The following CHD3 variants were observed in gnomAD, a reference collection of about 807,000 sequenced individuals.
CHD3 encodes chromodomain helicase DNA binding protein 3, also known as ATP-dependent chromatin remodeler CHD3.
A neutral mutation model predicts 248.9 loss-of-function variants in CHD3; 52 were observed. The observed-to-expected ratio is 0.21, with a 90% CI of 0.17 to 0.26. CHD3 has a LOEUF of 0.26. Among genes scored for constraint, CHD3 ranks in the 10% least tolerant of loss-of-function variants. CHD3 has a pLI of 1.00. For synonymous variants in CHD3, 985 were observed against 985.2 expected (o/e 1.00, Z 0.00); for missense variants, 1,482 against 2,605.8 (o/e 0.57, Z 9.39).
In CHD3 at chr17:7,901,330, G is replaced by A; in HGVS notation, c.3207G>A (p.Leu1069=). 2 of 1,613,904 alleles carry A rather than the reference G, an allele frequency of 1.2e-6. No individual in the cohort carries two copies. The highest frequency in any genetic ancestry group is 1.7e-6 in the Non-Finnish European group (2 of 1,179,876). Residue 1069 remains leucine, a synonymous_variant, in exon 20 of 40, where the codon CTG becomes CTA. Transcript: ENST00000330494. ...AGCTCATGCTGCTCCAGAAGATGCT[G>A]CGAAAGCTGAAGGAGCAAGGACACC... ...SGKLMLLQKM[L]RKLKEQGHRV...
rs1053907420 is a variant in CHD3, at chr17:7,910,285, C to T, written c.5591-143C>T. 4 of 1,009,064 alleles carry T rather than the reference C, an allele frequency of 4.0e-6. No homozygotes were observed. The highest frequency in any genetic ancestry group is 6.2e-6 in the Non-Finnish European group (4 of 649,246). 62.5% of individuals were successfully genotyped at this position (1,009,064 alleles called of 1,614,324 possible). ...CATCTACTTCTTTTACTTTCTTGAT[C>T]TCTGGTTCTTTGACATCTGTGTTCT... On this transcript the variant is annotated intron_variant, in intron 37 of 39. Coordinates refer to ENST00000330494, the MANE Select transcript of CHD3 (RefSeq NM_001005273.3). The surrounding 1 kb of genome is among the most constrained non-coding windows in gnomAD (Gnocchi z 4.7).
rs1723326055 is a variant in CHD3, at chr17:7,907,157, C to T, written c.4698C>T (p.Gly1566=). 6.2e-7 allele frequency: 1 copy of T among 1,614,184 alleles called. No homozygotes were observed. Among genetic ancestry groups the T allele is most frequent in the Non-Finnish European group, 8.5e-7 (1 of 1,180,026 alleles). ...ATPAPSEKGE[G]IRTPLEKEEA... is the part of the protein sequence containing the mutation. ...CAGCTCCAAGTGAGAAAGGAGAAGG[C>T]ATAAGGACACCTCTTGAGAAGGAGG... The change falls in exon 31 of 40, where the codon GGC becomes GGT. Residue 1566 remains glycine (G), a synonymous_variant. Transcript: ENST00000330494. The surrounding 1 kb of genome is among the most constrained non-coding windows in gnomAD (Gnocchi z 4.3).
chr17:7,908,454 A>G lies in CHD3; in HGVS notation c.5205A>G (p.Lys1735=). Residue 1735 remains lysine, a synonymous_variant, in exon 35 of 40, where the codon AAA becomes AAG. Coordinates refer to ENST00000330494, the MANE Select transcript of CHD3 (RefSeq NM_001005273.3). This position sits in a 1 kb window ranked among gnomAD's most constrained non-coding sequence, Gnocchi z 5.8. The stretch of plus-strand genomic sequence containing the variant: ...AACGGGCAGCTATTTCCTCGGGGAA[A>G]CTCAATGAGATCTGGCACAGAAGAC... ...NEERAAISSG[K]LNEIWHRRHD... The G allele has an allele frequency of 1.2e-6, 2 of 1,613,694 alleles. No homozygotes were observed. Among genetic ancestry groups the G allele is most frequent in the Middle Eastern group, 1.7e-4 (1 of 6,058 alleles).
At position 7,911,385 on chromosome 17, in the gene CHD3, G is replaced by A. The variant is rs1971638073; in HGVS notation, c.5882-79G>A. 1.2e-6 allele frequency: 2 copies of A among 1,608,060 alleles called. No individual in the cohort carries two copies. The highest frequency in any genetic ancestry group is 1.7e-6 in the Non-Finnish European group (2 of 1,176,384). ...GGAAGTGGCAGGAGGTGACCTAGAAGTGAGAATTCACCATTGTCATGAAGT... is the reference window on the plus strand; with the variant it reads ...GGAAGTGGCAGGAGGTGACCTAGAAATGAGAATTCACCATTGTCATGAAGT... On this transcript the variant is annotated intron_variant, in intron 39 of 39. Coordinates refer to ENST00000330494, the MANE Select transcript of CHD3 (RefSeq NM_001005273.3). The surrounding 1 kb of genome is among the most constrained non-coding windows in gnomAD (Gnocchi z 5.4).
At chr17:7,885,605 G>A (rs1319835743), upstream of CHD3, among the ~76,000 whole-genome samples, 1 of 151,796 alleles carries the variant, frequency 6.6e-6, no homozygotes, top group Non-Finnish European at 1.5e-5. Flanking sequence ...CTCTGGCCCC[G>A]GTGGGGTTGG....
At chr17:7,901,772 A>G (rs1042872358) in intron 20 of CHD3, among the ~76,000 whole-genome samples, 1 of 151,876 alleles carries the variant, frequency 6.6e-6, no homozygotes, top group African/African-American at 2.4e-5. Flanking sequence ...CGGTCTCCCA[A>G]AGTGCTGGGA....
Position 7,901,164 on chromosome 17 carries a change from T to G in CHD3, c.3121-80T>G, listed in dbSNP as rs964080451. The G allele has an allele frequency of 1.0e-5, 16 of 1,530,858 alleles. No homozygotes were observed. In the East Asian group the frequency reaches 3.6e-4, roughly 35 times the overall value. The allele number at this position is 1,530,858 out of a possible 1,614,324, so 94.8% of individuals were successfully genotyped here. On this transcript the variant is annotated intron_variant, in intron 19 of 39. Coordinates refer to ENST00000330494, the MANE Select transcript of CHD3 (RefSeq NM_001005273.3). ...AACATGTGGAAGCTGGATCCGGGCATCTGGCCTTCTAGGTGTGGCAAGAAT... is the reference window on the plus strand; with the variant it reads ...AACATGTGGAAGCTGGATCCGGGCAGCTGGCCTTCTAGGTGTGGCAAGAAT...
chr17:7,899,929 A>G lies in CHD3; in HGVS notation c.2578A>G (p.Thr860Ala). 1.2e-6 allele frequency: 2 copies of G among 1,613,726 alleles called. No homozygotes were observed. Among genetic ancestry groups the G allele is most frequent in the Non-Finnish European group, 8.5e-7 (1 of 1,179,906 alleles). ...ACAGGTGAAGTTCCATGTTCTCCTGACATCGTATGAGCTGATCACCATTGA... is the reference window on the plus strand; with the variant it reads ...ACAGGTGAAGTTCCATGTTCTCCTGGCATCGTATGAGCTGATCACCATTGA... ...EAQVKFHVLL[T>A]SYELITIDQA... is the part of the protein sequence containing the mutation. The change falls in exon 16 of 40, where the codon ACA becomes GCA. Residue 860 changes from threonine (T) to alanine (A), a missense_variant. Physicochemically the swap from Thr to Ala is moderately conservative, Grantham distance 58 (BLOSUM62 0). Transcript: ENST00000330494. This position sits in a 1 kb window ranked among gnomAD's most constrained non-coding sequence, Gnocchi z 6.8.
rs1971006195 is a variant in CHD3, at chr17:7,906,754, C to G, written c.4503+57C>G. 5.7e-6 allele frequency: 9 copies of G among 1,583,598 alleles called. No individual in the cohort carries two copies. The Admixed American group carries it at 1.6e-4, about 28-fold the overall frequency. ...GCTGGCTGCCTAGTCTCTGTCCTTC[C>G]TCTGCCTCTGTCCCTGAGTTGTAAG... On this transcript the variant is annotated intron_variant, in intron 29 of 39. Transcript: ENST00000330494. This position sits in a 1 kb window ranked among gnomAD's most constrained non-coding sequence, Gnocchi z 5.0.
chr17:7,904,685 G>GAT lies in CHD3; in HGVS notation c.4072+66_4072+67insAT. On this transcript the variant is annotated intron_variant, in intron 25 of 39. Coordinates refer to ENST00000330494, the MANE Select transcript of CHD3 (RefSeq NM_001005273.3). This position sits in a 1 kb window ranked among gnomAD's most constrained non-coding sequence, Gnocchi z 4.4. The stretch of plus-strand genomic sequence containing the variant: ...GATGATGAGTAGGGACTTGAAGGCT[G>GAT]GAGCTATTTAGAGGGAAAGAGAGAA... 1 of 1,431,686 alleles carries GAT rather than the reference G, an allele frequency of 7.0e-7. No individual in the cohort carries two copies. The highest frequency in any genetic ancestry group is 9.6e-7 in the Non-Finnish European group (1 of 1,041,888). 88.7% of individuals were successfully genotyped at this position (1,431,686 alleles called of 1,614,324 possible). A position where few individuals can be genotyped will look rare whatever the true frequency, so the allele number is the denominator to read the frequency against.
chr17:7,894,399 C>A lies in CHD3; in HGVS notation c.1076-16C>A, dbSNP rs759669078. 6.2e-7 allele frequency: 1 copy of A among 1,602,020 alleles called. No individual in the cohort carries two copies. Among genetic ancestry groups the A allele is most frequent in the Non-Finnish European group, 8.5e-7 (1 of 1,171,114 alleles). ...CCTGCCCTGCTTCCTTATCCCTCCACCGGGGTATATGACAGTCCTGGGCTG... is the reference window on the plus strand; with the variant it reads ...CCTGCCCTGCTTCCTTATCCCTCCAACGGGGTATATGACAGTCCTGGGCTG... On this transcript the variant is annotated splice_polypyrimidine_tract_variant and intron_variant, in intron 7 of 39. Transcript: ENST00000330494.
intron 12 of CHD3, 69 bp from the exon 13 acceptor site, chr17:7,898,427 A>G (rs112565344): frequency 1.5e-5 from 17 of 1,164,324 alleles, no homozygotes; most frequent in African/African-American, 9.2e-5. Flanking sequence ...GTAGGTCTGG[A>G]ATGGGTTCAG....
chr17:7,900,162 G>C lies in CHD3; in HGVS notation c.2683-128G>C, dbSNP rs1970138442. ...GGACGTCCAGGTTGGAAGAGGGAGA[G>C]GGCCAGAGATTTGGGGCCTCTGATC... On this transcript the variant is annotated intron_variant, in intron 16 of 39. Coordinates refer to ENST00000330494, the MANE Select transcript of CHD3 (RefSeq NM_001005273.3). The surrounding 1 kb of genome is among the most constrained non-coding windows in gnomAD (Gnocchi z 6.5). 1 of 1,528,690 alleles carries C rather than the reference G, an allele frequency of 6.5e-7. No individual in the cohort carries two copies. Among genetic ancestry groups the C allele is most frequent in the Non-Finnish European group, 8.9e-7 (1 of 1,126,878 alleles). The allele number at this position is 1,528,690 out of a possible 1,614,324, so 94.7% of individuals were successfully genotyped here. A position where few individuals can be genotyped will look rare whatever the true frequency, so the allele number is the denominator to read the frequency against.
Position 7,906,534 on chromosome 17 carries a change from C to T in CHD3, c.4359-19C>T, listed in dbSNP as rs755607305. The T allele has an allele frequency of 3.1e-6, 5 of 1,613,468 alleles. No homozygotes were observed. The South Asian group carries it at 3.3e-5, about 11-fold the overall frequency. On this transcript the variant is annotated intron_variant, in intron 28 of 39. Coordinates refer to ENST00000330494, the MANE Select transcript of CHD3 (RefSeq NM_001005273.3). This position sits in a 1 kb window ranked among gnomAD's most constrained non-coding sequence, Gnocchi z 5.0. ...TTCTGTGGCTCCCCTAACCCTCCTC[C>T]CACTCCCATGCTCCTTAGGGCCTAT...
Position 7,912,276 on chromosome 17 carries a change from A to G in CHD3, c.*691A>G, listed in dbSNP as rs116657393. The G allele has an allele frequency of 8.6e-3, 1,365 of 158,668 alleles. 74 individuals carry two copies. The South Asian group carries it at 0.13, about 16-fold the overall frequency. The allele number at this position is 158,668 out of a possible 1,614,324, so 9.8% of individuals were successfully genotyped here. A position where few individuals can be genotyped will look rare whatever the true frequency, so the allele number is the denominator to read the frequency against. On this transcript the variant is annotated 3_prime_UTR_variant, in exon 40 of 40. Transcript: ENST00000330494. ...AGGGACCAAGGACCACCCCTACAAAAAGAGTAATGGTTGGGTGATACTCCC... is the reference window on the plus strand; with the variant it reads ...AGGGACCAAGGACCACCCCTACAAAGAGAGTAATGGTTGGGTGATACTCCC...
At position 7,897,903 on chromosome 17, in the gene CHD3, C is replaced by T; in HGVS notation, c.1920-68C>T. On this transcript the variant is annotated intron_variant, in intron 11 of 39. Transcript: ENST00000330494. The surrounding 1 kb of genome is among the most constrained non-coding windows in gnomAD (Gnocchi z 4.8). ...TTTGCTGATAATTGCGTTTCTCAGG[C>T]CTTCTTTCTGTTTGTGATCTGTGCA... 1.3e-6 allele frequency: 2 copies of T among 1,517,514 alleles called. No individual in the cohort carries two copies. The highest frequency in any genetic ancestry group is 1.8e-6 in the Non-Finnish European group (2 of 1,126,328). 94.0% of individuals were successfully genotyped at this position (1,517,514 alleles called of 1,614,324 possible).
rs1375784543 is a variant in CHD3 at position 7,903,727 on chromosome 17, T to C, written c.3728-98T>C. On this transcript the variant is annotated intron_variant, in intron 23 of 39. Transcript: ENST00000330494. This position sits in a 1 kb window ranked among gnomAD's most constrained non-coding sequence, Gnocchi z 6.8. ...ATTGGCTCCCGGGGAAAAAGCCTTCTCTAGGGCTCCTGTGAAAAGGACGCA... is the reference window on the plus strand; with the variant it reads ...ATTGGCTCCCGGGGAAAAAGCCTTCCCTAGGGCTCCTGTGAAAAGGACGCA... 5 of 1,362,348 alleles carry C rather than the reference T, an allele frequency of 3.7e-6. No homozygotes were observed. In the East Asian group the frequency reaches 7.2e-5, roughly 20 times the overall value. The allele number at this position is 1,362,348 out of a possible 1,614,324, so 84.4% of individuals were successfully genotyped here.
At chr17:7,891,128 C>T (rs564861312) in intron 4 of CHD3, 64 bp downstream of exon 4, 2 of 1,574,202 alleles carry the variant, frequency 1.3e-6, no homozygotes, top group Non-Finnish European at 1.7e-6. Context: ...TCCTGGACCC[C>T]TTGGAATCTG....
Position 7,902,852 on chromosome 17 carries a change from G to A in CHD3, c.3371-85G>A. The A allele has an allele frequency of 1.9e-6, 3 of 1,587,482 alleles. No homozygotes were observed. In the East Asian group the frequency reaches 6.7e-5, roughly 36 times the overall value. ...ACTTAGGCTTTGAGTTGGGGGCATG[G>A]TTGTTTGTCATCAGAGAACATCTAG... On this transcript the variant is annotated intron_variant, in intron 21 of 39. Coordinates refer to ENST00000330494, the MANE Select transcript of CHD3 (RefSeq NM_001005273.3).
Sources: allele counts gnomAD v4.1 joint callset (sites outside exome capture counted in the v4.1 genomes callset), GRCh38; gene constraint gnomAD v4.1.1; non-coding constraint Gnocchi (gnomAD v3.1); transcripts MANE v1.5; gene names NCBI Gene and HGNC (gene_info 2026-07-23, HGNC 2026-07-21).